Variants in AREL1 observed in about 807,000 individuals in gnomAD.
AREL1 encodes apoptosis resistant E3 ubiquitin protein ligase 1, also known as apoptosis-resistant E3 ubiquitin protein ligase 1.
AREL1 carries 62 observed loss-of-function variants against 99.0 expected under a neutral mutation model. The observed-to-expected ratio is 0.63, with a 90% CI of 0.51 to 0.77. The LOEUF (loss-of-function observed/expected upper bound fraction) is 0.77. Ranked by LOEUF, AREL1 falls within the 30% of genes least tolerant of loss-of-function variation. The pLI, the probability that AREL1 is intolerant of heterozygous loss-of-function variation, is 0.00. For synonymous variants in AREL1, 380 were observed against 376.5 expected, an observed-to-expected ratio of 1.01 and a Z score of -0.11; for missense variants, 879 against 1,027.6, an observed-to-expected ratio of 0.86 and a Z score of 1.98.
chr14:74,698,091 T>G (rs567290024), intron 1 of AREL1, among the ~76,000 whole-genome samples: 1 of 152,304 alleles, frequency 6.6e-6, no homozygotes, highest in African/African-American at 2.4e-5. Flanking sequence ...GTTGAATATA[T>G]TCATAGATAT....
At chr14:74,684,831 T>C in intron 3 of AREL1, 151 bp from the exon 4 acceptor site, 2 of 678,188 alleles carry the variant, frequency 2.9e-6, no homozygotes, top group Non-Finnish European at 5.0e-6. Context: ...ACTACCTCTG[T>C]AGATAAGAAA....
intron 2 of AREL1, among the ~76,000 whole-genome samples, chr14:74,690,653 C>T (rs922742473): frequency 6.6e-6 from 1 of 152,180 alleles, no homozygotes; most frequent in Non-Finnish European, 1.5e-5. Flanking sequence ...AGTCTAATTG[C>T]AGTACAAACA....
intron 11 of AREL1, 90 bp from the exon 12 acceptor site, chr14:74,671,573 G>T: frequency 1.2e-6 from 1 of 800,888 alleles, no homozygotes; most frequent in Non-Finnish European, 2.0e-6. Context: ...GCCATTGTCT[G>T]CTGGACTAAC....
Position 74,671,491 on chromosome 14 carries a change from GA to G in AREL1, c.1423-9del. On this transcript the variant is annotated splice_polypyrimidine_tract_variant and intron_variant, in intron 11 of 19. Coordinates refer to ENST00000356357, the MANE Select transcript of AREL1 (RefSeq NM_001039479.2). ...CCGAGTGGCTTTCAGAGACTGAAAA[GA>G]AGTGAAAGGAAGGGAATTGTCAGAA... The G allele has an allele frequency of 6.3e-7, 1 of 1,575,758 alleles. No homozygotes were observed. Among genetic ancestry groups the G allele is most frequent in the Non-Finnish European group, 8.6e-7 (1 of 1,157,248 alleles).
At chr14:74,692,409 G>A in intron 1 of AREL1, 81 bp from the exon 2 acceptor site, 2 of 347,026 alleles carry the variant, frequency 5.8e-6, no homozygotes, top group Admixed American at 4.3e-5. Flanking sequence ...TCAAAGAGAA[G>A]GTAGAACAGG....
chr14:74,706,909 A>C (rs893890524), intron 1 of AREL1, among the ~76,000 whole-genome samples: 1 of 152,192 alleles, frequency 6.6e-6, no homozygotes, highest in Non-Finnish European at 1.5e-5. Flanking sequence ...TCTTCCATAG[A>C]GTTAACAATG....
chr14:74,684,318 A>G, intron 4 of AREL1, 136 bp downstream of exon 4: 1 of 717,274 alleles, frequency 1.4e-6, no homozygotes, highest in Non-Finnish European at 2.3e-6. Flanking sequence ...GACTCTTCAG[A>G]TAGTAGCAAT....
rs746380778 is a variant in AREL1, at chr14:74,670,869, G to C, written c.1501C>G (p.Leu501Val). 6.2e-7 allele frequency: 1 copy of C among 1,613,714 alleles called. No homozygotes were observed. The highest frequency in any genetic ancestry group is 8.5e-7 in the Non-Finnish European group (1 of 1,179,770). The part of the protein sequence containing the change: ...FEVVFQDEEA[L>V]DWGGPRREWF... ...TCCCGGCGAGGCCCTCCCCAGTCCA[G>C]AGCTGAAAAGCATAATGAAAATAAA... The change falls in exon 13 of 20, where the codon CTG (leucine) becomes GTG (valine). Residue 501 changes from leucine (L) to valine (V), a missense_variant and splice_region_variant. Transcript: ENST00000356357.
intron 5 of AREL1, among the ~76,000 whole-genome samples, chr14:74,683,033 T>C (rs1392115777): frequency 1.3e-5 from 2 of 151,990 alleles, no homozygotes; most frequent in African/African-American, 4.8e-5. Flanking sequence ...AGCAGATGAG[T>C]GGCTGCCTAG....
chr14:74,683,172 A>G (rs1413195908), intron 5 of AREL1, 124 bp downstream of exon 5: 1 of 719,688 alleles, frequency 1.4e-6, no homozygotes, highest in African/African-American at 1.8e-5. Context: ...ATACTTTAAA[A>G]GGATGAATTT....
At chr14:74,686,646 G>T (rs1184646215) in intron 2 of AREL1, among the ~76,000 whole-genome samples, 1 of 152,178 alleles carries the variant, frequency 6.6e-6, no homozygotes, top group African/African-American at 2.4e-5. Flanking sequence ...TCAGATCTGG[G>T]AGGGACCAAA....
rs779449779 is a variant in AREL1, at chr14:74,672,894, T to C, written c.1359A>G (p.Val453=). ...VNFFQRELRQ[V]HMKRPHSKVT... ...CTTTGGAATGTGGTCTTTTCATATG[T>C]ACCTGCCGAAGCTCTCGCTGGAAAA... The change falls in exon 11 of 20, where the codon GTA becomes GTG. Residue 453 remains valine, a synonymous_variant. Coordinates refer to ENST00000356357, the MANE Select transcript of AREL1 (RefSeq NM_001039479.2). 2.5e-6 allele frequency: 4 copies of C among 1,614,230 alleles called. No homozygotes were observed. Among genetic ancestry groups the C allele is most frequent in the Non-Finnish European group, 2.5e-6 (3 of 1,180,034 alleles).
chr14:74,678,695 CAAAAAAAA>C (rs71119311), intron 5 of AREL1, among the ~76,000 whole-genome samples: 1 of 95,424 alleles, frequency 1.0e-5, no homozygotes, highest in Non-Finnish European at 2.1e-5. Flanking sequence ...CATGTATAAG[CAAAAAAAA>C]AAAAAAAAAA....
At chr14:74,698,592 T>C (rs2090018984) in intron 1 of AREL1, among the ~76,000 whole-genome samples, 1 of 152,212 alleles carries the variant, frequency 6.6e-6, no homozygotes, top group Non-Finnish European at 1.5e-5. Flanking sequence ...TCAATGAACT[T>C]GGTCCGCCAT....
intron 11 of AREL1, 66 bp downstream of exon 11, chr14:74,672,765 C>T: frequency 6.2e-7 from 1 of 1,602,540 alleles, no homozygotes; most frequent in East Asian, 2.2e-5. Flanking sequence ...AAACAGTAAC[C>T]TGCAGAATAT....
chr14:74,701,699 T>A (rs2090089046), intron 1 of AREL1: 1 of 152,132 alleles, frequency 6.6e-6, no homozygotes, highest in Non-Finnish European at 1.5e-5. Context: ...TTCCCAACAG[T>A]CCTCCAAAGT....
In AREL1 at chr14:74,694,297, C is replaced by T. The variant is rs533195869; in HGVS notation, c.-333-1969G>A. Among the ~76,000 whole-genome samples, 12 of 152,208 alleles carry T rather than the reference C, an allele frequency of 7.9e-5. No individual in the cohort carries two copies. The South Asian group carries it at 2.1e-3, about 26-fold the overall frequency. ...GGATCCACAAACAACAGACTATATACGTAAGCTATAAGAGAGCACTATGTA... is the reference window on the plus strand; with the variant it reads ...GGATCCACAAACAACAGACTATATATGTAAGCTATAAGAGAGCACTATGTA... On this transcript the variant is annotated intron_variant, in intron 1 of 19. Transcript: ENST00000356357.
chr14:74,676,454 C>T, intron 6 of AREL1, 129 bp downstream of exon 6: 1 of 1,413,700 alleles, frequency 7.1e-7, no homozygotes, highest in East Asian at 2.3e-5. Flanking sequence ...CAGGTATTGT[C>T]AGATGAAGAT....
intron 11 of AREL1, chr14:74,672,121 CT>C: frequency 2.6e-6 from 1 of 382,044 alleles, no homozygotes; most frequent in Non-Finnish European, 5.4e-6. Context: ...AAATCATTTC[CT>C]TTTAATTCAA....
Sources: gnomAD v4.1 joint callset for allele counts (sites outside exome capture counted in the v4.1 genomes callset) on GRCh38, gnomAD v4.1.1 for gene constraint, MANE v1.5 for transcripts, NCBI Gene and HGNC (gene_info 2026-07-23, HGNC 2026-07-21) for gene names.